The following MGAT4C variants were observed in gnomAD, a reference collection of about 807,000 sequenced individuals.
The protein encoded by MGAT4C is MGAT4 family member C, also known as alpha-1,3-mannosyl-glycoprotein 4-beta-N-acetylglucosaminyltransferase C.
MGAT4C carries 19 observed loss-of-function variants against 40.1 expected under a neutral mutation model. The ratio of observed to expected loss-of-function variants is 0.47; its 90% confidence interval spans 0.33 to 0.70. The LOEUF (loss-of-function observed/expected upper bound fraction) is 0.70. MGAT4C is among the 30% of genes least tolerant of loss of function. MGAT4C has a pLI of 0.02. For missense variants in MGAT4C, 491 were observed against 563.2 expected (o/e 0.87, Z 1.30); for synonymous variants, 181 against 187.1 (o/e 0.97, Z 0.27).
chr12:86,175,378 T>A (rs557496226), intron 1 of MGAT4C, among the ~76,000 whole-genome samples: 1 of 152,176 alleles, frequency 6.6e-6, no homozygotes, highest in Non-Finnish European at 1.5e-5. Flanking sequence ...TGCTTTTACA[T>A]CCTAAATTTC....
chr12:86,323,889 C>G (rs989317149), intron 4 of MGAT4C, among the ~76,000 whole-genome samples: 6 of 151,850 alleles, frequency 4.0e-5, no homozygotes, highest in African/African-American at 1.4e-4. Context: ...CAATATTCTT[C>G]TATTCCCATG....
intron 4 of MGAT4C, among the ~76,000 whole-genome samples, chr12:86,312,102 T>C (rs1954093924): frequency 6.6e-6 from 1 of 152,224 alleles, no homozygotes; most frequent in Non-Finnish European, 1.5e-5. Context: ...GCACAATGTG[T>C]CCTGCATTTT....
intron 2 of MGAT4C, among the ~76,000 whole-genome samples, chr12:86,479,683 C>T (rs1363586288): frequency 6.6e-6 from 1 of 151,830 alleles, no homozygotes; most frequent in African/African-American, 2.4e-5. Context: ...TCAGCAATCT[C>T]CAGCAATTTA....
At chr12:86,790,833 A>C (rs1952009371) in intron 1 of MGAT4C, among the ~76,000 whole-genome samples, 2 of 152,088 alleles carry the variant, frequency 1.3e-5, no homozygotes. Context: ...TTCAGTTATA[A>C]AAAAATGGAA....
chr12:86,196,292 T>C (rs778580145), intron 1 of MGAT4C, among the ~76,000 whole-genome samples: 22 of 152,208 alleles, frequency 1.4e-4, no homozygotes, highest in Admixed American at 3.3e-4. Flanking sequence ...TCCTTAGATA[T>C]TAAGGCTCAC....
At chr12:86,707,697 A>AT (rs1301941736) in intron 2 of MGAT4C, among the ~76,000 whole-genome samples, 4 of 151,644 alleles carry the variant, frequency 2.6e-5, no homozygotes, top group African/African-American at 7.3e-5. Context: ...TACCATGCTA[A>AT]TTTTTTGTAT....
At chr12:85,998,499 T>C (rs1031772496) in intron 2 of MGAT4C, among the ~76,000 whole-genome samples, 1 of 152,214 alleles carries the variant, frequency 6.6e-6, no homozygotes, top group Non-Finnish European at 1.5e-5. Flanking sequence ...GCTTCCCTTA[T>C]AAAACTGAAT....
intron 1 of MGAT4C, among the ~76,000 whole-genome samples, chr12:86,824,925 G>T (rs570125161): frequency 5.8e-4 from 88 of 151,404 alleles, no homozygotes; most frequent in Middle Eastern, 3.4e-3. Flanking sequence ...AATTTATATT[G>T]AGTTAAATAA....
intron 1 of MGAT4C, among the ~76,000 whole-genome samples, chr12:86,084,723 T>TA (rs796363193): frequency 0.024 from 3,465 of 142,482 alleles, 62 homozygotes; most frequent in Middle Eastern, 0.046. Context: ...ATTTTCTTAT[T>TA]AAAAAAAAAA....
intron 2 of MGAT4C, among the ~76,000 whole-genome samples, chr12:86,628,175 G>T (rs1170680699): frequency 6.6e-6 from 1 of 152,104 alleles, no homozygotes; most frequent in African/African-American, 2.4e-5. Context: ...ATGAAATGAA[G>T]CTAGAAGAGA....
chr12:86,625,563 A>T (rs940889888), intron 2 of MGAT4C, among the ~76,000 whole-genome samples: 2 of 152,148 alleles, frequency 1.3e-5, no homozygotes, highest in Non-Finnish European at 2.9e-5. Context: ...TTGAGATGAA[A>T]TCAAAGGAAC....
At chr12:86,222,391 T>C (rs1227606419) in intron 1 of MGAT4C, among the ~76,000 whole-genome samples, 1 of 152,196 alleles carries the variant, frequency 6.6e-6, no homozygotes, top group Non-Finnish European at 1.5e-5. Flanking sequence ...TTAATTATAC[T>C]CTGCACTCCA....
At chr12:86,813,942 G>A (rs905080990) in intron 1 of MGAT4C, among the ~76,000 whole-genome samples, 41 of 151,360 alleles carry the variant, frequency 2.7e-4, no homozygotes, top group East Asian at 1.2e-3. Flanking sequence ...ACAGAGTCTC[G>A]CTCTGTTGCC....
chr12:86,643,914 G>A (rs1963462394), intron 2 of MGAT4C, among the ~76,000 whole-genome samples: 1 of 151,352 alleles, frequency 6.6e-6, no homozygotes, highest in East Asian at 1.9e-4. Context: ...TACTTTAAAA[G>A]GTGAATTTGT....
At chr12:86,313,411 A>T (rs1954126103) in intron 4 of MGAT4C, among the ~76,000 whole-genome samples, 1 of 152,216 alleles carries the variant, frequency 6.6e-6, no homozygotes, top group African/African-American at 2.4e-5. Context: ...TGAAATCAGC[A>T]TATTTAGCCG....
At chr12:86,244,690 A>T (rs921578271) in intron 1 of MGAT4C, among the ~76,000 whole-genome samples, 1 of 152,208 alleles carries the variant, frequency 6.6e-6, no homozygotes, top group Non-Finnish European at 1.5e-5. Context: ...GGGAAAGTGA[A>T]AATGCTCTAT....
At chr12:86,128,562 G>A (rs888440588) in intron 1 of MGAT4C, among the ~76,000 whole-genome samples, 11 of 152,082 alleles carry the variant, frequency 7.2e-5, no homozygotes, top group Admixed American at 4.6e-4. Flanking sequence ...TCCCAGTCAC[G>A]GGTATGTCTT....
intron 1 of MGAT4C, among the ~76,000 whole-genome samples, chr12:86,050,583 C>G (rs761403148): frequency 6.6e-6 from 1 of 151,928 alleles, no homozygotes; most frequent in Non-Finnish European, 1.5e-5. Flanking sequence ...AAACATTATT[C>G]TTTCAGACAA....
chr12:86,222,720 T>C (rs1950928910), intron 1 of MGAT4C, among the ~76,000 whole-genome samples: 1 of 152,224 alleles, frequency 6.6e-6, no homozygotes, highest in Non-Finnish European at 1.5e-5. Context: ...TTGTTTCTTT[T>C]CTAAAATCTA....
Sources: allele counts gnomAD v4.1 joint callset (sites outside exome capture counted in the v4.1 genomes callset), GRCh38; gene constraint gnomAD v4.1.1; transcripts MANE v1.5; gene names NCBI Gene and HGNC (gene_info 2026-07-23, HGNC 2026-07-21).